Variants in RABIF observed in about 807,000 individuals in gnomAD.
The protein encoded by RABIF is RAB interacting factor, also known as guanine nucleotide exchange factor MSS4.
In RABIF, 13 loss-of-function variants were observed where a neutral mutation model predicts 12.3. The ratio of observed to expected loss-of-function variants is 1.06; its 90% CI spans 0.69 to 1.68. The LOEUF (loss-of-function observed/expected upper bound fraction) is 1.68, where lower values mean the gene tolerates loss of function less well. RABIF is among the 40% of genes most tolerant of loss of function. The pLI, the probability that RABIF is intolerant of heterozygous loss-of-function variation, is 0.00. For synonymous variants in RABIF, 70 were observed against 63.3 expected, an observed-to-expected ratio of 1.11 and a Z score of -0.50; for missense variants, 153 against 158.0, an observed-to-expected ratio of 0.97 and a Z score of 0.17.
chr1:202,888,511 G>A (rs981959252), intron 1 of RABIF, among the ~76,000 whole-genome samples: 3 of 152,230 alleles, frequency 2.0e-5, no homozygotes, highest in Non-Finnish European at 4.4e-5. Context: ...GTGAATTCAG[G>A]ACTGGCGGGT....
At position 202,878,831 on chromosome 1, in the gene RABIF, G is replaced by A. The variant is rs1484572167; in HGVS notation, c.*2147C>T. The A allele has an allele frequency of 2.6e-5, 4 of 152,168 alleles. No individual in the cohort carries two copies. The highest frequency in any genetic ancestry group is 2.1e-4 in the South Asian group (1 of 4,836). The allele number at this position is 152,168 out of a possible 1,614,324, so 9.4% of individuals were successfully genotyped here. A position where few individuals can be genotyped will look rare whatever the true frequency, so the allele number is the denominator to read the frequency against. The stretch of plus-strand genomic sequence containing the variant: ...GGTGTGAGGGAAATGAAGAAATGAC[G>A]TTTGCATTTTATAGCTGACTAGATA... On this transcript the variant is annotated 3_prime_UTR_variant, in exon 2 of 2. Transcript: ENST00000367262.
intron 1 of RABIF, among the ~76,000 whole-genome samples, chr1:202,887,356 A>C (rs79439766): frequency 6.6e-6 from 1 of 150,594 alleles, no homozygotes; most frequent in South Asian, 2.1e-4. Flanking sequence ...TTTTTTTTGC[A>C]ATTTTTTTTT....
At chr1:202,888,252 T>TG (rs1659591899) in intron 1 of RABIF, among the ~76,000 whole-genome samples, 1 of 152,134 alleles carries the variant, frequency 6.6e-6, no homozygotes, top group Non-Finnish European at 1.5e-5. Context: ...CTTTCTCACT[T>TG]GCGATGATGG....
At chr1:202,888,770 C>A (rs984127853) in intron 1 of RABIF, among the ~76,000 whole-genome samples, 1 of 152,212 alleles carries the variant, frequency 6.6e-6, no homozygotes, top group African/African-American at 2.4e-5. Context: ...GCAAAAGATG[C>A]CGGGGCGGGA....
Position 202,884,824 on chromosome 1 carries a change from C to T in RABIF, c.127-3601G>A, listed in dbSNP as rs546816216. Among the ~76,000 whole-genome samples the T allele has an allele frequency of 4.6e-5, 7 of 152,246 alleles. No homozygotes were observed. The South Asian group carries it at 1.5e-3, about 32-fold the overall frequency. Reference sequence around the variant, plus strand: ...TTCGGGCCGGGCACAGTGGCTCATGCCTGTAATCCCAGCACTTTGGGAGGC... The same window carrying T: ...TTCGGGCCGGGCACAGTGGCTCATGTCTGTAATCCCAGCACTTTGGGAGGC... On this transcript the variant is annotated intron_variant, in intron 1 of 1. Transcript: ENST00000367262.
rs1489076149 is a variant in RABIF at position 202,879,261 on chromosome 1, C to T, written c.*1717G>A. 2.6e-5 allele frequency: 4 copies of T among 152,140 alleles called. No homozygotes were observed. The highest frequency in any genetic ancestry group is 4.4e-5 in the Non-Finnish European group (3 of 68,056). 9.4% of individuals were successfully genotyped at this position (152,140 alleles called of 1,614,324 possible). A position where few individuals can be genotyped will look rare whatever the true frequency, so the allele number is the denominator to read the frequency against. On this transcript the variant is annotated 3_prime_UTR_variant, in exon 2 of 2. Transcript: ENST00000367262. ...GTGGTGTGATCTTGGCTTACTGCAGCCACCATCTTTGGGGCTCAAGTGATC... is the reference window on the plus strand; with the variant it reads ...GTGGTGTGATCTTGGCTTACTGCAGTCACCATCTTTGGGGCTCAAGTGATC...
At position 202,880,145 on chromosome 1, in the gene RABIF, A is replaced by G. The variant is rs1177724713; in HGVS notation, c.*833T>C. The stretch of plus-strand genomic sequence containing the variant: ...TACTTGTCCAGATGTGGCAAATTAT[A>G]AACTTTTGTATAATGTGGCAAAGGC... On this transcript the variant is annotated 3_prime_UTR_variant, in exon 2 of 2. Transcript: ENST00000367262. The G allele has an allele frequency of 1.3e-5, 2 of 152,248 alleles. No individual in the cohort carries two copies. Among genetic ancestry groups the G allele is most frequent in the Non-Finnish European group, 1.5e-5 (1 of 68,044 alleles). The allele number at this position is 152,248 out of a possible 1,614,324, so 9.4% of individuals were successfully genotyped here.
In RABIF at chr1:202,880,376, T is replaced by C. The variant is rs1659468941; in HGVS notation, c.*602A>G. ...CACCCATCTTCACAATAAAATGTCA[T>C]TCTCAACCTAGAGCAGAGGTGCTCA... is the stretch of plus-strand genomic sequence containing the variant. On this transcript the variant is annotated 3_prime_UTR_variant, in exon 2 of 2. Coordinates refer to ENST00000367262, the MANE Select transcript of RABIF (RefSeq NM_002871.5). The C allele has an allele frequency of 1.3e-5, 2 of 152,726 alleles. No individual in the cohort carries two copies. 9.5% of individuals were successfully genotyped at this position (152,726 alleles called of 1,614,324 possible).
rs1659474525 is a variant in RABIF, at chr1:202,880,643, T to A, written c.*335A>T. 1.2e-5 allele frequency: 12 copies of A among 980,010 alleles called. No homozygotes were observed. Among genetic ancestry groups the A allele is most frequent in the Non-Finnish European group, 1.5e-5 (12 of 803,688 alleles). 60.7% of individuals were successfully genotyped at this position (980,010 alleles called of 1,614,324 possible). On this transcript the variant is annotated 3_prime_UTR_variant, in exon 2 of 2. Transcript: ENST00000367262. ...TAGCTAAAAGGTTGAATACTGCTCT[T>A]CTAGAGCAAGAAAAAGCGGGAGCCC...
chr1:202,888,405 T>C (rs1168295937), intron 1 of RABIF, among the ~76,000 whole-genome samples: 1 of 152,194 alleles, frequency 6.6e-6, no homozygotes, highest in African/African-American at 2.4e-5. Context: ...CTCGGTAAAG[T>C]GGGTAGGTTA....
Position 202,889,070 on chromosome 1 carries a change from A to G in RABIF, c.29T>C (p.Leu10Ser). MEPAEQPSE[L>S]VSAEGRNRKA... The stretch of plus-strand genomic sequence containing the variant: ...CCGGTTTCGGCCCTCGGCTGACACT[A>G]ACTCGCTCGGCTGCTCCGCTGGTTC... The change falls in exon 1 of 2, where the codon TTA (leucine) becomes TCA (serine). Residue 10 changes from leucine (L) to serine (S), a missense_variant. By Grantham distance (145) the Leu-to-Ser change is moderately radical. Coordinates refer to ENST00000367262, the MANE Select transcript of RABIF (RefSeq NM_002871.5). The G allele has an allele frequency of 1.2e-6, 2 of 1,610,850 alleles. No individual in the cohort carries two copies. Among genetic ancestry groups the G allele is most frequent in the Non-Finnish European group, 1.7e-6 (2 of 1,178,898 alleles).
At chr1:202,884,353 C>T (rs1659530150) in intron 1 of RABIF, among the ~76,000 whole-genome samples, 1 of 151,952 alleles carries the variant, frequency 6.6e-6, no homozygotes, top group African/African-American at 2.4e-5. Context: ...AATCTTTTTC[C>T]CTTCTGGGAG....
rs377706144 is a variant in RABIF at position 202,879,277 on chromosome 1, TCAA to T, written c.*1698_*1700del. The T allele has an allele frequency of 1.7e-4, 26 of 152,314 alleles. No individual in the cohort carries two copies. The highest frequency in any genetic ancestry group is 6.0e-4 in the African/African-American group (25 of 41,544). The allele number at this position is 152,314 out of a possible 1,614,324, so 9.4% of individuals were successfully genotyped here. On this transcript the variant is annotated 3_prime_UTR_variant, in exon 2 of 2. Transcript: ENST00000367262. Reference sequence around the variant, plus strand: ...TTACTGCAGCCACCATCTTTGGGGCTCAAGTGATCCTCCCACCTGAGCCTCCCA... The same window carrying T: ...TTACTGCAGCCACCATCTTTGGGGCTGTGATCCTCCCACCTGAGCCTCCCA...
chr1:202,888,922 G>A, intron 1 of RABIF, 51 bp downstream of exon 1: 5 of 1,461,872 alleles, frequency 3.4e-6, no homozygotes, highest in Non-Finnish European at 9.1e-7. Flanking sequence ...GACTGCGGCG[G>A]CTCGTCGGGG....
chr1:202,885,836 A>C (rs1659552158), intron 1 of RABIF, among the ~76,000 whole-genome samples: 1 of 152,204 alleles, frequency 6.6e-6, no homozygotes, highest in Non-Finnish European at 1.5e-5. Context: ...GACAGTAAGG[A>C]GAACACTGGG....
chr1:202,879,949 G>A lies in RABIF; in HGVS notation c.*1029C>T, dbSNP rs1039038604. On this transcript the variant is annotated 3_prime_UTR_variant, in exon 2 of 2. Coordinates refer to ENST00000367262, the MANE Select transcript of RABIF (RefSeq NM_002871.5). Reference sequence around the variant, plus strand: ...CGTCTGCTGATATCAAACTGTTAGAGCAGCCCCGGAGCTATGGAAATTTGT... The same window carrying A: ...CGTCTGCTGATATCAAACTGTTAGAACAGCCCCGGAGCTATGGAAATTTGT... The A allele has an allele frequency of 2.0e-5, 3 of 152,192 alleles. No homozygotes were observed. The highest frequency in any genetic ancestry group is 7.2e-5 in the African/African-American group (3 of 41,448). 9.4% of individuals were successfully genotyped at this position (152,192 alleles called of 1,614,324 possible).
chr1:202,884,534 C>T (rs542968573), intron 1 of RABIF, among the ~76,000 whole-genome samples: 1 of 152,112 alleles, frequency 6.6e-6, no homozygotes, highest in Non-Finnish European at 1.5e-5. Context: ...TCTCATGGGA[C>T]ACTTGTGCGG....
chr1:202,881,288 T>C (rs773165232), intron 1 of RABIF, 65 bp from the exon 2 acceptor site: 325 of 1,545,086 alleles, frequency 2.1e-4, no homozygotes, highest in Non-Finnish European at 2.6e-4. Context: ...AACACCCCCG[T>C]TCTAGGTACA....
rs1464791689 is a variant in RABIF at position 202,881,573 on chromosome 1, T to C, written c.127-350A>G. Among the ~76,000 whole-genome samples the C allele has an allele frequency of 2.0e-5, 3 of 152,266 alleles. No individual in the cohort carries two copies. In the East Asian group the frequency reaches 5.8e-4, roughly 29 times the overall value. On this transcript the variant is annotated intron_variant, in intron 1 of 1. Coordinates refer to ENST00000367262, the MANE Select transcript of RABIF (RefSeq NM_002871.5). The stretch of plus-strand genomic sequence containing the variant: ...CCCGCCACCACGCCTGGCTAATTTT[T>C]TGTATTTTTTTTTTAAGTAAAGATG...
Sources: gnomAD v4.1 joint callset for allele counts (sites outside exome capture counted in the v4.1 genomes callset) on GRCh38, gnomAD v4.1.1 for gene constraint, MANE v1.5 for transcripts, NCBI Gene and HGNC (gene_info 2026-07-23, HGNC 2026-07-21) for gene names.